Variants in EYA3 observed in about 807,000 individuals in gnomAD.
The protein encoded by EYA3 is protein phosphatase EYA3.
EYA3 carries 39 observed loss-of-function variants against 80.0 expected under a neutral mutation model. The ratio of observed to expected loss-of-function variants is 0.49; its 90% CI spans 0.38 to 0.64. The LOEUF (loss-of-function observed/expected upper bound fraction) is 0.64. Among genes scored for constraint, EYA3 ranks in the 30% least tolerant of loss-of-function variants. EYA3 has a pLI of 0.00. For missense variants in EYA3, 523 were observed against 676.1 expected (o/e 0.77, Z 2.51); for synonymous variants, 206 against 232.8 (o/e 0.88, Z 1.05).
chr1:28,066,068 G>C (rs1010970812), intron 1 of EYA3, among the ~76,000 whole-genome samples: 50 of 151,858 alleles, frequency 3.3e-4, no homozygotes, highest in Admixed American at 2.6e-4. Context: ...CTCAACAAAT[G>C]ATCTGATAAC....
intron 2 of EYA3, among the ~76,000 whole-genome samples, chr1:28,049,948 T>A (rs1473180829): frequency 6.6e-6 from 1 of 152,126 alleles, no homozygotes; most frequent in African/African-American, 2.4e-5. Flanking sequence ...CAAAGACTCT[T>A]TGCTATCAAA....
chr1:27,986,558 C>T (rs1291866692), intron 16 of EYA3, among the ~76,000 whole-genome samples: 3 of 151,554 alleles, frequency 2.0e-5, no homozygotes, highest in African/African-American at 4.8e-5. Flanking sequence ...CCACCATGCC[C>T]GACTAATTTT....
intron 2 of EYA3, among the ~76,000 whole-genome samples, chr1:28,054,421 A>C (rs1209442073): frequency 6.6e-6 from 1 of 152,192 alleles, no homozygotes; most frequent in East Asian, 1.9e-4. Flanking sequence ...AGCATACCTA[A>C]ATTTTTCAAA....
chr1:28,019,662 T>C (rs1163084860), intron 7 of EYA3, among the ~76,000 whole-genome samples: 1 of 152,184 alleles, frequency 6.6e-6, no homozygotes, highest in African/African-American at 2.4e-5. Context: ...CAATCCTCTT[T>C]TTCACCTATT....
chr1:27,988,417 A>T, intron 16 of EYA3, 118 bp downstream of exon 16: 1 of 1,113,532 alleles, frequency 9.0e-7, no homozygotes, highest in Non-Finnish European at 1.3e-6. Flanking sequence ...GACTGTTGTG[A>T]GGACTGTAGG....
intron 1 of EYA3, among the ~76,000 whole-genome samples, chr1:28,077,907 A>T (rs1645279799): frequency 6.6e-6 from 1 of 152,186 alleles, no homozygotes; most frequent in African/African-American, 2.4e-5. Flanking sequence ...TCAGCTTATC[A>T]GTGTTTGGAT....
At chr1:28,002,494 C>A (rs1640935753) in intron 11 of EYA3, among the ~76,000 whole-genome samples, 1 of 151,734 alleles carries the variant, frequency 6.6e-6, no homozygotes, top group Admixed American at 6.6e-5. Context: ...GCATGCCAGA[C>A]TAGACACTAA....
intron 2 of EYA3, among the ~76,000 whole-genome samples, chr1:28,052,498 T>C (rs1383855042): frequency 1.3e-5 from 2 of 152,218 alleles, no homozygotes; most frequent in African/African-American, 4.8e-5. Context: ...AGTGCCACGA[T>C]GATTCAACGA....
chr1:28,074,089 TAC>T (rs1645122453), intron 1 of EYA3, among the ~76,000 whole-genome samples: 1 of 152,178 alleles, frequency 6.6e-6, no homozygotes, highest in African/African-American at 2.4e-5. Context: ...TATTTATGAG[TAC>T]AGAGATTGAA....
At chr1:28,087,339 T>C (rs1308322163) in intron 1 of EYA3, among the ~76,000 whole-genome samples, 1 of 151,548 alleles carries the variant, frequency 6.6e-6, no homozygotes, top group Non-Finnish European at 1.5e-5. Context: ...AAGGTGGAAA[T>C]GGTAAGGAAA....
chr1:28,048,499 A>C lies in EYA3; in HGVS notation c.34-73T>G, dbSNP rs1644118316. 6 of 1,160,124 alleles carry C rather than the reference A, an allele frequency of 5.2e-6. 1 individual carries two copies. The South Asian group carries it at 7.9e-5, about 15-fold the overall frequency. The allele number at this position is 1,160,124 out of a possible 1,614,324, so 71.9% of individuals were successfully genotyped here. On this transcript the variant is annotated intron_variant, in intron 2 of 17. Coordinates refer to ENST00000373871, the MANE Select transcript of EYA3 (RefSeq NM_001990.4). ...TAAATCATTTAGCTACTCAAACAAC[A>C]GGCTATTAACTATTACAGGATAACT...
rs763734942 is a variant in EYA3, at chr1:28,035,585, A to G, written c.320T>C (p.Val107Ala). 1.2e-6 allele frequency: 2 copies of G among 1,614,154 alleles called. No homozygotes were observed. The highest frequency in any genetic ancestry group is 2.2e-5 in the South Asian group (2 of 91,082). Residue 107 changes from valine (V) to alanine (A), a missense_variant, in exon 6 of 18, where the codon GTC becomes GCC. Transcript: ENST00000373871. Reference protein sequence around the residue: ...QTLQQTQPYAVYPQATQTYGL... With the variant: ...QTLQQTQPYAAYPQATQTYGL... ...ATACGTTTGGGTTGCCTGAGGGTAG[A>G]CAGCATAGGGTTGAGTCTGCTGTAG...
chr1:28,060,431 AT>A (rs1644579840), intron 1 of EYA3, among the ~76,000 whole-genome samples: 1 of 152,216 alleles, frequency 6.6e-6, no homozygotes, highest in Admixed American at 6.5e-5. Flanking sequence ...ATTAGTATAA[AT>A]GGTGGGGATA....
chr1:28,073,464 A>G (rs1484271948), intron 1 of EYA3, among the ~76,000 whole-genome samples: 1 of 150,518 alleles, frequency 6.6e-6, no homozygotes, highest in African/African-American at 2.4e-5. Context: ...TGCCTGGCTA[A>G]TTTTTTTGTA....
intron 7 of EYA3, among the ~76,000 whole-genome samples, chr1:28,018,391 T>C (rs1434353033): frequency 1.3e-5 from 2 of 152,182 alleles, no homozygotes; most frequent in Non-Finnish European, 2.9e-5. Context: ...ACAATGTAAC[T>C]GATATTATCA....
intron 1 of EYA3, among the ~76,000 whole-genome samples, chr1:28,062,657 G>GGGGTGTGTGTGTGTGTGT (rs111612303): frequency 2.1e-5 from 3 of 141,528 alleles, no homozygotes; most frequent in African/African-American, 5.2e-5. Flanking sequence ...AATATATGTA[G>GGGGTGTGTGTGTGTGTGT]GTGTGTGTGT....
intron 17 of EYA3, among the ~76,000 whole-genome samples, chr1:27,976,461 A>G (rs1314129132): frequency 1.3e-5 from 2 of 151,952 alleles, no homozygotes; most frequent in African/African-American, 4.8e-5. Flanking sequence ...CTCCATCTCA[A>G]AAACAAAACA....
At position 28,069,910 on chromosome 1, in the gene EYA3, T is replaced by C. The variant is rs539811035; in HGVS notation, c.-68-11816A>G. Among the ~76,000 whole-genome samples the C allele has an allele frequency of 3.3e-5, 5 of 152,030 alleles. No homozygotes were observed. In the South Asian group the frequency reaches 1.0e-3, roughly 32 times the overall value. Reference sequence around the variant, plus strand: ...AACACACATACAGAGAAGACGGCAATGTGAAAATGGAAGAAGAGACTGGAG... The same window carrying C: ...AACACACATACAGAGAAGACGGCAACGTGAAAATGGAAGAAGAGACTGGAG... On this transcript the variant is annotated intron_variant, in intron 1 of 17. Transcript: ENST00000373871.
At chr1:28,007,643 T>C (rs1220776334) in intron 10 of EYA3, among the ~76,000 whole-genome samples, 1 of 152,170 alleles carries the variant, frequency 6.6e-6, no homozygotes, top group Non-Finnish European at 1.5e-5. Context: ...ATCAGCTGTA[T>C]TTCTATATAC....
Sources: allele counts gnomAD v4.1 joint callset (sites outside exome capture counted in the v4.1 genomes callset), GRCh38; gene constraint gnomAD v4.1.1; transcripts MANE v1.5; gene names NCBI Gene and HGNC (gene_info 2026-07-23, HGNC 2026-07-21).